SPIDR: variants seen among roughly 807,000 people sequenced by gnomAD.
The protein encoded by SPIDR is scaffold protein involved in DNA repair, also known as DNA repair-scaffolding protein.
SPIDR carries 93 observed loss-of-function variants against 104.6 expected under a neutral mutation model. The observed-to-expected ratio is 0.89, with a 90% CI of 0.75 to 1.06. The LOEUF (loss-of-function observed/expected upper bound fraction) is 1.06, where lower values mean the gene tolerates loss of function less well. Ranked by LOEUF, SPIDR falls within the 50% of genes least tolerant of loss-of-function variation. The pLI is 0.00. For missense variants in SPIDR, 1,154 were observed against 1,111.2 expected, an observed-to-expected ratio of 1.04 and a Z score of -0.55; for synonymous variants, 431 against 416.9, an observed-to-expected ratio of 1.03 and a Z score of -0.41.
intron 10 of SPIDR, among the ~76,000 whole-genome samples, chr8:47,616,422 T>C (rs1279724386): frequency 6.6e-6 from 1 of 152,206 alleles, no homozygotes; most frequent in African/African-American, 2.4e-5. Context: ...AATCACACTT[T>C]TTAAATTTTA....
chr8:47,376,637 G>A (rs2058691985), intron 5 of SPIDR, among the ~76,000 whole-genome samples: 1 of 152,180 alleles, frequency 6.6e-6, no homozygotes, highest in South Asian at 2.1e-4. Context: ...AACATTTGAT[G>A]TTGTACTAAG....
chr8:47,713,619 C>T lies in SPIDR; in HGVS notation c.2319C>T (p.Val773=), dbSNP rs1451741413. Residue 773 remains valine, a synonymous_variant, in exon 16 of 20, where the codon GTC becomes GTT. Coordinates refer to ENST00000297423, the MANE Select transcript of SPIDR (RefSeq NM_001080394.4). ...MLDSLDSATP[V]NSICSVQGTV... ...ACAGCCTGGACTCTGCAACACCTGT[C>T]AACTCCATCTGCAGTGTTCAAGGTA... 1.2e-6 allele frequency: 2 copies of T among 1,614,066 alleles called. No homozygotes were observed. Among genetic ancestry groups the T allele is most frequent in the Non-Finnish European group, 1.7e-6 (2 of 1,180,048 alleles).
At chr8:47,592,280 G>A (rs1196665424) in intron 8 of SPIDR, 3 of 1,159,480 alleles carry the variant, frequency 2.6e-6, no homozygotes, top group East Asian at 4.7e-5. Flanking sequence ...CAAGGCCTGG[G>A]TTGATAGCAG....
At chr8:47,397,838 GGGT>G (rs2061415220) in intron 6 of SPIDR, among the ~76,000 whole-genome samples, 2 of 152,188 alleles carry the variant, frequency 1.3e-5, no homozygotes, top group African/African-American at 4.8e-5. Flanking sequence ...CCTCTAGAGA[GGGT>G]GCAGGGAATA....
intron 10 of SPIDR, among the ~76,000 whole-genome samples, chr8:47,607,877 T>C (rs1458306865): frequency 6.7e-6 from 1 of 150,094 alleles, no homozygotes; most frequent in East Asian, 1.9e-4. Context: ...ATAGTTCCAA[T>C]CTAGAAATTG....
intron 16 of SPIDR, among the ~76,000 whole-genome samples, chr8:47,722,485 T>C (rs1030316404): frequency 1.3e-5 from 2 of 152,254 alleles, no homozygotes; most frequent in African/African-American, 2.4e-5. Context: ...ATTATGATGT[T>C]AGCCAGAGGG....
intron 10 of SPIDR, among the ~76,000 whole-genome samples, chr8:47,658,209 G>A (rs919293358): frequency 7.9e-5 from 12 of 150,970 alleles, no homozygotes; most frequent in Admixed American, 2.6e-4. Context: ...ACCTGAGGTC[G>A]GAAGTTTGAG....
chr8:47,321,297 A>C (rs1359770452), intron 5 of SPIDR, among the ~76,000 whole-genome samples: 1 of 151,788 alleles, frequency 6.6e-6, no homozygotes, highest in Non-Finnish European at 1.5e-5. Flanking sequence ...TTATACACCA[A>C]TAACAGAGAA....
chr8:47,535,540 T>C (rs769161329), intron 8 of SPIDR, among the ~76,000 whole-genome samples: 8 of 152,020 alleles, frequency 5.3e-5, no homozygotes, highest in Non-Finnish European at 1.2e-4. Flanking sequence ...CTAACACATA[T>C]AAAAAGAATT....
intron 8 of SPIDR, chr8:47,546,717 A>T (rs936238258): frequency 3.0e-5 from 5 of 167,190 alleles, no homozygotes; most frequent in African/African-American, 1.2e-4. Flanking sequence ...TCTCGTATAC[A>T]CATCTTTTTA....
chr8:47,366,559 A>T (rs1359655403), intron 5 of SPIDR, among the ~76,000 whole-genome samples: 3 of 152,192 alleles, frequency 2.0e-5, no homozygotes, highest in Non-Finnish European at 4.4e-5. Flanking sequence ...CAAGTTGTTA[A>T]GATTGGTTGT....
chr8:47,544,344 A>C (rs974165254), intron 8 of SPIDR, among the ~76,000 whole-genome samples: 2 of 152,152 alleles, frequency 1.3e-5, no homozygotes, highest in African/African-American at 4.8e-5. Flanking sequence ...CTTCTCAACA[A>C]GGTCTACCAG....
intron 8 of SPIDR, among the ~76,000 whole-genome samples, chr8:47,578,628 C>T (rs1266450962): frequency 1.3e-5 from 2 of 152,156 alleles, no homozygotes; most frequent in African/African-American, 4.8e-5. Flanking sequence ...CTTTTGAGTG[C>T]TAGACTCATA....
intron 10 of SPIDR, among the ~76,000 whole-genome samples, chr8:47,668,629 G>A (rs1431361729): frequency 6.8e-6 from 1 of 146,326 alleles, no homozygotes; most frequent in Non-Finnish European, 1.5e-5. Context: ...AAATAAGGAT[G>A]CCCAGTCACT....
At chr8:47,542,655 G>T (rs376796004) in intron 8 of SPIDR, among the ~76,000 whole-genome samples, 8 of 152,092 alleles carry the variant, frequency 5.3e-5, no homozygotes, top group African/African-American at 1.9e-4. Context: ...TTGTAGATTC[G>T]CATGCAGTTG....
intron 5 of SPIDR, among the ~76,000 whole-genome samples, chr8:47,350,248 G>A (rs1362388611): frequency 2.0e-5 from 3 of 152,184 alleles, no homozygotes; most frequent in African/African-American, 7.2e-5. Context: ...CTCTGAGTGT[G>A]ATTGCTAAGA....
At chr8:47,307,542 T>A (rs1482980722) in intron 5 of SPIDR, among the ~76,000 whole-genome samples, 1 of 139,902 alleles carries the variant, frequency 7.1e-6, no homozygotes, top group Non-Finnish European at 1.6e-5. Flanking sequence ...CGTTTTTTTT[T>A]TTTTTTTTTT....
intron 10 of SPIDR, among the ~76,000 whole-genome samples, chr8:47,618,095 C>A (rs1421708651): frequency 6.6e-6 from 1 of 152,178 alleles, no homozygotes; most frequent in African/African-American, 2.4e-5. Flanking sequence ...TCTCTAAAGT[C>A]AGGAGACCAA....
In SPIDR at chr8:47,284,096, T is replaced by TA; in HGVS notation, c.256+4dup. On this transcript the variant is annotated splice_region_variant and intron_variant, in intron 3 of 19. Coordinates refer to ENST00000297423, the MANE Select transcript of SPIDR (RefSeq NM_001080394.4). Reference sequence around the variant, plus strand: ...AATTATGCCCTAGACCCAAGCAAGGTAACTATTTTGTTGATTTCTTGACAG... The same window carrying TA: ...AATTATGCCCTAGACCCAAGCAAGGTAAACTATTTTGTTGATTTCTTGACAG... 6.2e-7 allele frequency: 1 copy of TA among 1,606,346 alleles called. No homozygotes were observed. Among genetic ancestry groups the TA allele is most frequent in the Non-Finnish European group, 8.5e-7 (1 of 1,176,218 alleles).
Sources: gnomAD v4.1 joint callset for allele counts (sites outside exome capture counted in the v4.1 genomes callset) on GRCh38, gnomAD v4.1.1 for gene constraint, MANE v1.5 for transcripts, NCBI Gene and HGNC (gene_info 2026-07-23, HGNC 2026-07-21) for gene names.